FHIT: variants seen among roughly 807,000 people sequenced by gnomAD.
FHIT encodes the protein bis(5'-adenosyl)-triphosphatase.
A neutral mutation model predicts 17.9 loss-of-function variants in FHIT; 19 were observed. The observed-to-expected ratio is 1.06, with a 90% CI of 0.74 to 1.56. The LOEUF is 1.56. FHIT is among the 40% of genes most tolerant of loss of function. The probability of loss-of-function intolerance (pLI) is 0.00; values close to 1 mark genes in which losing one functional copy is unlikely to be tolerated. For missense variants in FHIT, 248 were observed against 189.2 expected, an observed-to-expected ratio of 1.31 and a Z score of -1.82; for synonymous variants, 81 against 69.7, an observed-to-expected ratio of 1.16 and a Z score of -0.81.
intron 5 of FHIT, among the ~76,000 whole-genome samples, chr3:60,105,702 T>C (rs1704378365): frequency 6.6e-6 from 1 of 152,184 alleles, no homozygotes; most frequent in Non-Finnish European, 1.5e-5. Flanking sequence ...ATGTGAGATG[T>C]AGCAGCTTTC....
At chr3:61,191,769 A>G (rs2038723203) in intron 2 of FHIT, among the ~76,000 whole-genome samples, 1 of 152,022 alleles carries the variant, frequency 6.6e-6, no homozygotes, top group African/African-American at 2.4e-5. Flanking sequence ...CCCATGCCCT[A>G]CACACACACA....
intron 5 of FHIT, among the ~76,000 whole-genome samples, chr3:60,498,378 G>C (rs973035172): frequency 1.3e-5 from 2 of 151,996 alleles, no homozygotes; most frequent in Admixed American, 1.3e-4. Context: ...TATACCCCCT[G>C]ATTTACTAAA....
chr3:60,071,790 C>T (rs187263905), intron 5 of FHIT, among the ~76,000 whole-genome samples: 11 of 152,236 alleles, frequency 7.2e-5, no homozygotes, highest in East Asian at 3.9e-4. Context: ...GAGATGGACC[C>T]GGTGAGAGGT....
At chr3:60,550,640 T>C (rs1213870179) in intron 4 of FHIT, among the ~76,000 whole-genome samples, 1 of 152,054 alleles carries the variant, frequency 6.6e-6, no homozygotes, top group African/African-American at 2.4e-5. Flanking sequence ...ACCTACTTGT[T>C]TTACATATTT....
chr3:59,942,493 A>C (rs1269159007), intron 7 of FHIT, among the ~76,000 whole-genome samples: 1 of 152,184 alleles, frequency 6.6e-6, no homozygotes, highest in African/African-American at 2.4e-5. Flanking sequence ...CATATTTACG[A>C]GACAGAACAA....
chr3:60,763,797 T>C (rs1226521874), intron 4 of FHIT, among the ~76,000 whole-genome samples: 1 of 152,208 alleles, frequency 6.6e-6, no homozygotes, highest in African/African-American at 2.4e-5. Context: ...AGGGATAACA[T>C]TTTAATTTGA....
At chr3:60,613,673 T>G (rs1553674596) in intron 4 of FHIT, among the ~76,000 whole-genome samples, 1 of 152,162 alleles carries the variant, frequency 6.6e-6, no homozygotes, top group African/African-American at 2.4e-5. Context: ...TCTTTCTTTT[T>G]CAGTCATTCC....
intron 5 of FHIT, among the ~76,000 whole-genome samples, chr3:60,297,220 T>A (rs1166961882): frequency 1.3e-5 from 2 of 148,558 alleles, no homozygotes; most frequent in Non-Finnish European, 2.9e-5. Context: ...TAAAACTCTG[T>A]ATCAACTTGG....
At chr3:60,122,609 A>G (rs541793301) in intron 5 of FHIT, among the ~76,000 whole-genome samples, 30 of 152,276 alleles carry the variant, frequency 2.0e-4, no homozygotes, top group African/African-American at 6.7e-4. Context: ...AAAACATTCA[A>G]TTCAGGACAC....
In FHIT at chr3:60,890,415, A is replaced by G. The variant is rs1705456679; in HGVS notation, c.-110-68404T>C. Reference sequence around the variant, plus strand: ...AGCCTACACCAAATGGAGCGGAACAACTACCCAGCCAAGCCACGCCCCAAT... The same window carrying G: ...AGCCTACACCAAATGGAGCGGAACAGCTACCCAGCCAAGCCACGCCCCAAT... On this transcript the variant is annotated intron_variant, in intron 3 of 9. Transcript: ENST00000492590. 2.0e-5 allele frequency among the ~76,000 whole-genome samples: 3 copies of G among 152,184 alleles called. No individual in the cohort carries two copies. The South Asian group carries it at 6.2e-4, about 32-fold the overall frequency.
At position 61,175,109 on chromosome 3, in the gene FHIT, T is replaced by C. The variant is rs367604219; in HGVS notation, c.-164+25508A>G. Among the ~76,000 whole-genome samples the C allele has an allele frequency of 5.9e-5, 9 of 152,246 alleles. No individual in the cohort carries two copies. The East Asian group carries it at 9.7e-4, about 16-fold the overall frequency. ...GACAAAGGTAAGGTTTACATGCTCT[T>C]ATTGTGGCAGAAGGGAAAAAAAAGC... On this transcript the variant is annotated intron_variant, in intron 2 of 9. Transcript: ENST00000492590.
chr3:60,209,425 G>A (rs1703349278), intron 5 of FHIT, among the ~76,000 whole-genome samples: 1 of 152,088 alleles, frequency 6.6e-6, no homozygotes, highest in Non-Finnish European at 1.5e-5. Context: ...ATACAAATGT[G>A]TCATTCACTA....
rs533403390 is a variant in FHIT at position 60,155,742 on chromosome 3, C to T, written c.104-141590G>A. On this transcript the variant is annotated intron_variant, in intron 5 of 9. Transcript: ENST00000492590. ...TAAAGAATACCACGTTGACTCCATG[C>T]GTTAGCTTTGTTTGCTGTTTGTGAT... Among the ~76,000 whole-genome samples, 24 of 152,272 alleles carry T rather than the reference C, an allele frequency of 1.6e-4. 1 individual carries two copies. The highest frequency in any genetic ancestry group is 1.2e-3 in the South Asian group (6 of 4,824).
intron 5 of FHIT, among the ~76,000 whole-genome samples, chr3:60,093,525 T>C (rs553431919): frequency 6.6e-6 from 1 of 152,204 alleles, no homozygotes; most frequent in Admixed American, 6.5e-5. Context: ...ACAGCCACAG[T>C]TTCTGGGGAT....
intron 4 of FHIT, among the ~76,000 whole-genome samples, chr3:60,675,645 T>C (rs2040606297): frequency 6.6e-6 from 1 of 152,216 alleles, no homozygotes; most frequent in African/African-American, 2.4e-5. Context: ...TAAGCAGTAG[T>C]CTGCTCTCTT....
At chr3:59,894,570 T>A (rs144316962) in intron 8 of FHIT, among the ~76,000 whole-genome samples, 3 of 150,918 alleles carry the variant, frequency 2.0e-5, no homozygotes, top group Non-Finnish European at 4.4e-5. Flanking sequence ...GTGGGACAAG[T>A]CAAATCTACA....
chr3:60,805,430 C>T (rs931270299), intron 4 of FHIT, among the ~76,000 whole-genome samples: 7 of 152,178 alleles, frequency 4.6e-5, no homozygotes, highest in African/African-American at 7.2e-5. Context: ...CATGGTCTTT[C>T]CTCTGTGTGC....
chr3:60,124,003 TATATATAGAGAGAGAG>T (rs1469078278), intron 5 of FHIT, among the ~76,000 whole-genome samples: 10 of 24,586 alleles, frequency 4.1e-4, no homozygotes, highest in African/African-American at 1.7e-3. Flanking sequence ...TATATATATA[TATATATAGAGAGAGAG>T]AGAGAGAGAG....
intron 1 of FHIT, among the ~76,000 whole-genome samples, chr3:61,211,215 G>T (rs2039458717): frequency 6.6e-6 from 1 of 151,942 alleles, no homozygotes; most frequent in South Asian, 2.1e-4. Context: ...GCCTCACTCG[G>T]GAAGTGCAAG....
Sources: gnomAD v4.1 joint callset for allele counts (sites outside exome capture counted in the v4.1 genomes callset) on GRCh38, gnomAD v4.1.1 for gene constraint, MANE v1.5 for transcripts, NCBI Gene and HGNC (gene_info 2026-07-23, HGNC 2026-07-21) for gene names.